Variants in KAZN observed in about 807,000 individuals in gnomAD.
KAZN encodes the protein kazrin.
Under a neutral mutation model 87.4 loss-of-function variants are expected in KAZN, and 40 were observed. The ratio of observed to expected loss-of-function variants is 0.46; its 90% CI spans 0.36 to 0.60. The LOEUF is 0.60. KAZN is among the 20% of genes least tolerant of loss of function. The pLI, the probability that KAZN is intolerant of heterozygous loss-of-function variation, is 0.00. For synonymous variants in KAZN, 466 were observed against 458.3 expected (o/e 1.02, Z -0.22); for missense variants, 898 against 1,073.9 (o/e 0.84, Z 2.29).
intron 2 of KAZN, among the ~76,000 whole-genome samples, chr1:14,507,511 A>G (rs892091814): frequency 1.3e-5 from 2 of 152,218 alleles, no homozygotes; most frequent in African/African-American, 4.8e-5. Context: ...ATCAAGTGCT[A>G]AATATATAGT....
chr1:14,817,750 T>A (rs1362954420), intron 1 of KAZN, among the ~76,000 whole-genome samples: 1 of 151,288 alleles, frequency 6.6e-6, no homozygotes, highest in Non-Finnish European at 1.5e-5. Context: ...ACCTCCCTTT[T>A]TGAGCAGAGC....
intron 2 of KAZN, among the ~76,000 whole-genome samples, chr1:14,962,783 C>T (rs907029728): frequency 1.3e-5 from 2 of 152,160 alleles, no homozygotes; most frequent in Admixed American, 1.3e-4. Context: ...CCCCTATGTG[C>T]TCTTCTGGAT....
intron 2 of KAZN, among the ~76,000 whole-genome samples, chr1:14,984,558 TAGAA>T (rs889143145): frequency 3.9e-5 from 6 of 152,112 alleles, no homozygotes; most frequent in Admixed American, 3.9e-4. Context: ...GTCATAACCA[TAGAA>T]AGAAGAGCAA....
chr1:14,076,339 G>A lies in KAZN; in HGVS notation c.92-104096G>A, dbSNP rs145617290. The stretch of plus-strand genomic sequence containing the variant: ...TCAGCACACTGTGAAGAGAGATGAA[G>A]GTAGAGATCAGGGTGATGTATCCAC... On this transcript the variant is annotated intron_variant, in intron 1 of 16. Transcript: ENST00000636203. 1.3e-4 allele frequency among the ~76,000 whole-genome samples: 20 copies of A among 152,252 alleles called. No individual in the cohort carries two copies. The East Asian group carries it at 3.5e-3, about 27-fold the overall frequency.
intron 2 of KAZN, among the ~76,000 whole-genome samples, chr1:14,299,121 G>C (rs1474305613): frequency 6.6e-6 from 1 of 152,160 alleles, no homozygotes; most frequent in African/African-American, 2.4e-5. Flanking sequence ...TCAGTTCTGG[G>C]ATACAGCAGG....
intron 2 of KAZN, among the ~76,000 whole-genome samples, chr1:15,003,682 G>A (rs1034912519): frequency 1.3e-5 from 2 of 152,158 alleles, no homozygotes; most frequent in Non-Finnish European, 2.9e-5. Flanking sequence ...TTGGGAAAAG[G>A]GGTGGGGGAC....
At position 15,096,403 on chromosome 1, in the gene KAZN, A is replaced by C. The variant is rs1640805852; in HGVS notation, c.1547+1470A>C. On this transcript the variant is annotated intron_variant, in intron 10 of 14. Coordinates refer to ENST00000376030, the MANE Select transcript of KAZN (RefSeq NM_201628.3). The surrounding 1 kb of genome is among the most constrained non-coding windows in gnomAD (Gnocchi z 4.5). Reference sequence around the variant, plus strand: ...GCCACTTTGATTTTGAAGAGAAGAAATGCATGGGGGGAGGACGTCCCCACC... The same window carrying C: ...GCCACTTTGATTTTGAAGAGAAGAACTGCATGGGGGGAGGACGTCCCCACC... 6.6e-6 allele frequency among the ~76,000 whole-genome samples: 1 copy of C among 152,224 alleles called. No individual in the cohort carries two copies. The highest frequency in any genetic ancestry group is 2.4e-5 in the African/African-American group (1 of 41,454).
At chr1:14,854,784 C>T (rs1478353884) in intron 1 of KAZN, among the ~76,000 whole-genome samples, 1 of 152,136 alleles carries the variant, frequency 6.6e-6, no homozygotes, top group Non-Finnish European at 1.5e-5. Context: ...GGACAAACCA[C>T]ATCCAAACCA....
rs1350338659 is a variant in KAZN at position 14,364,893 on chromosome 1, CTGTT to C, written c.249+184303_249+184306del. 2.0e-5 allele frequency among the ~76,000 whole-genome samples: 3 copies of C among 152,228 alleles called. No individual in the cohort carries two copies. The East Asian group carries it at 5.8e-4, about 29-fold the overall frequency. On this transcript the variant is annotated intron_variant, in intron 2 of 16. Coordinates refer to the KAZN transcript ENST00000636203. ...TGTGTGTCTTCACTTCATCCTTCCT[CTGTT>C]TTTTTGTTTTGTTTTGTTTGTTTGT...
intron 7 of KAZN, among the ~76,000 whole-genome samples, chr1:15,065,289 A>G (rs1283082045): frequency 3.3e-5 from 5 of 151,908 alleles, no homozygotes; most frequent in African/African-American, 1.2e-4. Context: ...GGGCTTCCCA[A>G]AGTGCTGGGA....
At chr1:14,499,865 GA>G (rs1339276820) in intron 2 of KAZN, among the ~76,000 whole-genome samples, 2 of 152,118 alleles carry the variant, frequency 1.3e-5, no homozygotes, top group Non-Finnish European at 2.9e-5. Flanking sequence ...CATCTCCTGG[GA>G]ATGTTCTGCC....
At chr1:14,819,377 T>A (rs567503389) in intron 1 of KAZN, among the ~76,000 whole-genome samples, 2 of 152,276 alleles carry the variant, frequency 1.3e-5, no homozygotes, top group South Asian at 4.1e-4. Context: ...CGAGTTCAGA[T>A]GTTGCTGGGA....
intron 2 of KAZN, among the ~76,000 whole-genome samples, chr1:14,181,370 C>T (rs1274840470): frequency 6.6e-6 from 1 of 152,244 alleles, no homozygotes; most frequent in East Asian, 1.9e-4. Context: ...TTCTGTTCAG[C>T]ATTGCTGAGG....
At chr1:14,444,531 C>T (rs1666870683) in intron 2 of KAZN, among the ~76,000 whole-genome samples, 1 of 151,918 alleles carries the variant, frequency 6.6e-6, no homozygotes, top group Non-Finnish European at 1.5e-5. Context: ...AGGCTGGTCT[C>T]AAAACTCCTA....
chr1:14,443,113 AC>A (rs1022032326), intron 2 of KAZN, among the ~76,000 whole-genome samples: 1 of 152,156 alleles, frequency 6.6e-6, no homozygotes, highest in African/African-American at 2.4e-5. Flanking sequence ...GATTCTTGCA[AC>A]CGTGAAATGT....
At chr1:13,981,829 G>A (rs12063315) in intron 1 of KAZN, among the ~76,000 whole-genome samples, 1 of 152,178 alleles carries the variant, frequency 6.6e-6, no homozygotes, top group Non-Finnish European at 1.5e-5. Context: ...ACAGACCCTA[G>A]AAGATGCTGT....
chr1:15,113,782 T>G (rs184821057), intron 14 of KAZN: 21 of 152,296 alleles, frequency 1.4e-4, no homozygotes, highest in Admixed American at 1.4e-3. Context: ...GCCTCCTGAG[T>G]AGCAGGGACT....
chr1:14,036,408 T>C (rs895360275), intron 1 of KAZN, among the ~76,000 whole-genome samples: 2 of 152,336 alleles, frequency 1.3e-5, no homozygotes, highest in South Asian at 4.1e-4. Flanking sequence ...CGGGTGAAGG[T>C]GTTATTCCAT....
At chr1:14,375,482 C>T (rs1180204921) in intron 2 of KAZN, among the ~76,000 whole-genome samples, 6 of 152,130 alleles carry the variant, frequency 3.9e-5, no homozygotes, top group Admixed American at 3.9e-4. Flanking sequence ...ACGTGTTTCC[C>T]ACAGGCAAGA....
Sources: allele counts gnomAD v4.1 joint callset (sites outside exome capture counted in the v4.1 genomes callset), GRCh38; gene constraint gnomAD v4.1.1; non-coding constraint Gnocchi (gnomAD v3.1); transcripts MANE v1.5; gene names NCBI Gene and HGNC (gene_info 2026-07-23, HGNC 2026-07-21).